Variants in FAM222A observed in about 807,000 individuals in gnomAD.
FAM222A encodes protein FAM222A.
FAM222A carries 7 observed loss-of-function variants against 25.8 expected under a neutral mutation model. The observed-to-expected ratio is 0.27, with a 90% CI of 0.15 to 0.51. The LOEUF (loss-of-function observed/expected upper bound fraction) is 0.51, where lower values mean the gene tolerates loss of function less well. FAM222A is among the 20% of genes least tolerant of loss of function. The pLI, the probability that FAM222A is intolerant of heterozygous loss-of-function variation, is 0.97. For synonymous variants in FAM222A, 294 were observed against 298.8 expected (o/e 0.98, Z 0.17); for missense variants, 573 against 640.5 (o/e 0.89, Z 1.14).
intron 1 of FAM222A, among the ~76,000 whole-genome samples, chr12:109,740,467 A>C (rs540176623): frequency 3.2e-4 from 48 of 152,274 alleles, no homozygotes; most frequent in Non-Finnish European, 6.2e-4. Context: ...TGCTCCCTGG[A>C]TGGTGCTTGG....
intron 1 of FAM222A, among the ~76,000 whole-genome samples, chr12:109,728,218 C>T (rs1021729047): frequency 2.6e-5 from 4 of 152,140 alleles, no homozygotes; most frequent in Admixed American, 2.6e-4. Flanking sequence ...TGAAGTCTCT[C>T]CCAGGAGCAT....
chr12:109,742,275 C>T (rs1481041070), intron 1 of FAM222A: 1 of 152,318 alleles, frequency 6.6e-6, no homozygotes, highest in African/African-American at 2.4e-5. Context: ...CACGGCGTGT[C>T]CTCCAGGGCT....
intron 2 of FAM222A, among the ~76,000 whole-genome samples, chr12:109,755,464 G>T (rs1490975530): frequency 6.6e-6 from 1 of 152,012 alleles, no homozygotes; most frequent in Non-Finnish European, 1.5e-5. Flanking sequence ...GAGTAGCTGG[G>T]ATTGCAGGCA....
At position 109,768,643 on chromosome 12, in the gene FAM222A, C is replaced by G. The variant is rs1889138001; in HGVS notation, c.714C>G (p.Ser238Arg). 1.9e-6 allele frequency: 3 copies of G among 1,601,308 alleles called. No individual in the cohort carries two copies. The highest frequency in any genetic ancestry group is 8.5e-7 in the Non-Finnish European group (1 of 1,179,190). ...PSPAKHGPVPSFPSMAYSAAA... is the reference protein window; with the variant it reads ...PSPAKHGPVPRFPSMAYSAAA... ...CTGCCAAGCACGGCCCAGTGCCCAG[C>G]TTCCCCAGCATGGCCTACTCGGCTG... The change falls in exon 3 of 3, where the codon AGC becomes AGG. Residue 238 changes from serine to arginine, a missense_variant. Transcript: ENST00000538780.
chr12:109,760,102 G>GAGAGCCAGTGGGCCAGGGGTA, intron 2 of FAM222A, among the ~76,000 whole-genome samples: 1 of 152,188 alleles, frequency 6.6e-6, no homozygotes, highest in Admixed American at 6.5e-5. Context: ...AGCTCCTACT[G>GAGAGCCAGTGGGCCAGGGGTA]TGTACCATGC....
intron 2 of FAM222A, among the ~76,000 whole-genome samples, chr12:109,767,343 C>G (rs546205167): frequency 6.6e-6 from 1 of 152,052 alleles, no homozygotes; most frequent in Non-Finnish European, 1.5e-5. Context: ...GCCTGGCCAA[C>G]GTGGCGCAAC....
chr12:109,749,232 G>C (rs923477175), intron 2 of FAM222A, among the ~76,000 whole-genome samples: 11 of 152,054 alleles, frequency 7.2e-5, no homozygotes, highest in African/African-American at 2.7e-4. Context: ...TCAGCCTCCT[G>C]AGTAGCTGGG....
intron 2 of FAM222A, among the ~76,000 whole-genome samples, chr12:109,765,780 T>C (rs889760719): frequency 4.9e-4 from 75 of 152,220 alleles, no homozygotes; most frequent in African/African-American, 1.8e-3. Flanking sequence ...TATCCCCAGC[T>C]GCGATGCCAG....
intron 1 of FAM222A, among the ~76,000 whole-genome samples, chr12:109,717,915 G>A (rs1051911607): frequency 4.6e-5 from 7 of 152,172 alleles, no homozygotes; most frequent in South Asian, 2.1e-4. Flanking sequence ...AACTTGAGGC[G>A]CCCTGGTGAT....
intron 2 of FAM222A, among the ~76,000 whole-genome samples, chr12:109,755,192 A>T (rs1057047675): frequency 4.6e-5 from 7 of 151,392 alleles, no homozygotes; most frequent in African/African-American, 1.7e-4. Flanking sequence ...TTTTTGTCTA[A>T]GAAGGCTTTG....
chr12:109,765,293 A>C (rs552122618), intron 2 of FAM222A, among the ~76,000 whole-genome samples: 8 of 152,162 alleles, frequency 5.3e-5, no homozygotes, highest in Non-Finnish European at 1.0e-4. Flanking sequence ...GACCCACCCG[A>C]TGCCAGTAGC....
In FAM222A at chr12:109,768,848, A is replaced by C. The variant is rs1592804929; in HGVS notation, c.919A>C (p.Thr307Pro). Residue 307 changes from threonine (T) to proline (P), a missense_variant, in exon 3 of 3, where the codon ACG (threonine) becomes CCG (proline). Thr to Pro is a conservative substitution (Grantham distance 38, BLOSUM62 -1). Transcript: ENST00000538780. ...GCCACTGCGTGCCTACAGTGGGAGC[A>C]CGGTGGCCAGCAAGTCCCCTGAGGC... is the stretch of plus-strand genomic sequence containing the variant. Reference protein sequence around the residue: ...PQPLRAYSGSTVASKSPEACG... With the variant: ...PQPLRAYSGSPVASKSPEACG... 1 of 1,581,704 alleles carries C rather than the reference A, an allele frequency of 6.3e-7. No individual in the cohort carries two copies. Among genetic ancestry groups the C allele is most frequent in the East Asian group, 2.3e-5 (1 of 43,680 alleles).
chr12:109,735,096 G>A (rs1888049217), intron 1 of FAM222A, among the ~76,000 whole-genome samples: 1 of 152,190 alleles, frequency 6.6e-6, no homozygotes, highest in African/African-American at 2.4e-5. Context: ...TTAGCATTGG[G>A]CTAAAAGCTA....
At chr12:109,719,113 C>T (rs943933557) in intron 1 of FAM222A, among the ~76,000 whole-genome samples, 1 of 152,142 alleles carries the variant, frequency 6.6e-6, no homozygotes, top group Non-Finnish European at 1.5e-5. Context: ...TCTCTCTGAC[C>T]CCAAATTCAT....
At chr12:109,716,312 T>G (rs182242916) in intron 1 of FAM222A, among the ~76,000 whole-genome samples, 54 of 152,252 alleles carry the variant, frequency 3.5e-4, no homozygotes, top group Non-Finnish European at 5.4e-4. Flanking sequence ...TGTGATCACA[T>G]TTCTAGGAAA....
At position 109,768,736 on chromosome 12, in the gene FAM222A, G is replaced by A. The variant is rs1454002262; in HGVS notation, c.807G>A (p.Leu269=). The change falls in exon 3 of 3, where the codon TTG becomes TTA. Residue 269 remains leucine, a synonymous_variant. Coordinates refer to ENST00000538780, the MANE Select transcript of FAM222A (RefSeq NM_032829.3). ...AGGGAGCCACCCAAGCCTTGACGTT[G>A]GCTGGGGCCGCCAAGCCTGCAGGGT... ...LGQGATQALT[L]AGAAKPAGYA... is the part of the protein sequence containing the mutation. 6.3e-7 allele frequency: 1 copy of A among 1,578,316 alleles called. No homozygotes were observed. The highest frequency in any genetic ancestry group is 1.1e-5 in the South Asian group (1 of 88,550).
Position 109,768,938 on chromosome 12 carries a change from A to T in FAM222A, c.1009A>T (p.Thr337Ser), listed in dbSNP as rs1889155254. The part of the protein sequence containing the change: ...SPLNCGVGLP[T>S]SFTVGQYFAA... Reference sequence around the variant, plus strand: ...CCTCAACTGTGGCGTGGGGCTGCCCACCAGCTTCACCGTAGGCCAGTACTT... The same window carrying T: ...CCTCAACTGTGGCGTGGGGCTGCCCTCCAGCTTCACCGTAGGCCAGTACTT... Residue 337 changes from threonine (T) to serine (S), a missense_variant, in exon 3 of 3, where the codon ACC (threonine) becomes TCC (serine). By Grantham distance (58) the Thr-to-Ser change is moderately conservative. Transcript: ENST00000538780. The T allele has an allele frequency of 6.4e-7, 1 of 1,574,016 alleles. No individual in the cohort carries two copies. Among genetic ancestry groups the T allele is most frequent in the African/African-American group, 1.3e-5 (1 of 74,228 alleles).
At chr12:109,725,851 T>C (rs1887830330) in intron 1 of FAM222A, among the ~76,000 whole-genome samples, 2 of 152,052 alleles carry the variant, frequency 1.3e-5, no homozygotes, top group Admixed American at 6.5e-5. Context: ...GTTGCACATT[T>C]TCATACAATT....
chr12:109,761,809 C>T (rs532508192), intron 2 of FAM222A, among the ~76,000 whole-genome samples: 8 of 152,078 alleles, frequency 5.3e-5, no homozygotes, highest in African/African-American at 9.7e-5. Flanking sequence ...CCTGGGGGGT[C>T]GTAGGAAGAC....
Sources: gnomAD v4.1 joint callset for allele counts (sites outside exome capture counted in the v4.1 genomes callset) on GRCh38, gnomAD v4.1.1 for gene constraint, MANE v1.5 for transcripts, NCBI Gene and HGNC (gene_info 2026-07-23, HGNC 2026-07-21) for gene names.